Variants in PCDHA3 observed in about 807,000 individuals in gnomAD.
The protein encoded by PCDHA3 is protocadherin alpha 3, also known as protocadherin alpha-3.
PCDHA3 carries 41 observed loss-of-function variants against 62.2 expected under a neutral mutation model. That is an observed-to-expected ratio of 0.66 (90% CI 0.51 to 0.86). The LOEUF (loss-of-function observed/expected upper bound fraction) is 0.86. Among genes scored for constraint, PCDHA3 ranks in the 40% least tolerant of loss-of-function variants. The pLI is 0.00. For missense variants in PCDHA3, 1,304 were observed against 1,241.2 expected (o/e 1.05, Z -0.76); for synonymous variants, 640 against 555.4 (o/e 1.15, Z -2.14).
At chr5:140,887,204 C>T (rs1438790748) in intron 1 of PCDHA3, among the ~76,000 whole-genome samples, 7 of 151,828 alleles carry the variant, frequency 4.6e-5, no homozygotes, top group African/African-American at 1.5e-4. Flanking sequence ...TCACGCCATT[C>T]TCCTGCCTCA....
intron 1 of PCDHA3, among the ~76,000 whole-genome samples, chr5:140,941,263 T>TTC (rs2092992439): frequency 7.5e-6 from 1 of 133,334 alleles, no homozygotes; most frequent in Non-Finnish European, 1.6e-5. Flanking sequence ...TTCTCTTTCT[T>TTC]TCTTTCTTTC....
intron 1 of PCDHA3, among the ~76,000 whole-genome samples, chr5:140,826,723 G>A (rs1409739091): frequency 1.3e-5 from 2 of 152,174 alleles, no homozygotes; most frequent in African/African-American, 4.8e-5. Context: ...AAGAGGAAGA[G>A]CAAGTGGTCT....
At chr5:140,863,676 C>A (rs1403210762) in intron 1 of PCDHA3, 1 of 292,478 alleles carries the variant, frequency 3.4e-6, no homozygotes, top group Non-Finnish European at 6.7e-6. Context: ...TTTGCTTTTG[C>A]TTTTTCTTTT....
chr5:140,808,809 G>A, intron 1 of PCDHA3: 1 of 1,612,748 alleles, frequency 6.2e-7, no homozygotes, highest in Non-Finnish European at 8.5e-7. Flanking sequence ...CGCGATGCCG[G>A]CGTGCCACCT....
intron 1 of PCDHA3, chr5:140,857,033 A>G (rs1303154996): frequency 4.4e-6 from 7 of 1,595,572 alleles, no homozygotes; most frequent in South Asian, 1.1e-5. Flanking sequence ...AAACCCACCT[A>G]TGGTTGGTCA....
chr5:140,958,295 C>A (rs1405336220), intron 1 of PCDHA3, among the ~76,000 whole-genome samples: 1 of 151,884 alleles, frequency 6.6e-6, no homozygotes, highest in African/African-American at 2.4e-5. Context: ...TATTATTGAA[C>A]TTAATTAAAA....
chr5:140,970,933 G>T (rs782607345), intron 1 of PCDHA3, among the ~76,000 whole-genome samples: 6 of 152,176 alleles, frequency 3.9e-5, no homozygotes, highest in African/African-American at 9.7e-5. Context: ...CCTGGTGTTA[G>T]TCAATGCTGA....
At chr5:140,881,574 A>C (rs565640252) in intron 1 of PCDHA3, among the ~76,000 whole-genome samples, 22 of 152,364 alleles carry the variant, frequency 1.4e-4, no homozygotes, top group Middle Eastern at 6.8e-3. Context: ...CTACATCTCA[A>C]GTCACATTGA....
chr5:140,967,072 C>A, intron 1 of PCDHA3: 7 of 1,613,106 alleles, frequency 4.3e-6, no homozygotes, highest in Non-Finnish European at 5.9e-6. Context: ...TCTTCGTCAA[C>A]GAGCGCATTG....
chr5:140,967,555 C>T, intron 1 of PCDHA3: 4 of 1,614,008 alleles, frequency 2.5e-6, no homozygotes, highest in Non-Finnish European at 3.4e-6. Flanking sequence ...CCACTTATCG[C>T]GTCCAGCTAC....
chr5:140,978,444 T>G (rs2096802589), intron 1 of PCDHA3, among the ~76,000 whole-genome samples: 1 of 152,248 alleles, frequency 6.6e-6, no homozygotes, highest in Non-Finnish European at 1.5e-5. Context: ...GTGTTATGAC[T>G]GGGCACATCC....
chr5:140,917,710 G>T (rs2078316558), intron 1 of PCDHA3, among the ~76,000 whole-genome samples: 3 of 152,132 alleles, frequency 2.0e-5, no homozygotes. Flanking sequence ...TTGTAGGTGT[G>T]CAGCTTTATT....
chr5:140,828,605 C>T, intron 1 of PCDHA3: 1 of 1,614,210 alleles, frequency 6.2e-7, no homozygotes, highest in Non-Finnish European at 8.5e-7. Context: ...AACCTATAAA[C>T]TCAGTTCTAG....
At chr5:140,964,677 A>G (rs578237071) in intron 1 of PCDHA3, among the ~76,000 whole-genome samples, 11 of 152,090 alleles carry the variant, frequency 7.2e-5, no homozygotes, top group Non-Finnish European at 1.0e-4. Flanking sequence ...CAGGTCCACA[A>G]TTTGTGCACT....
intron 1 of PCDHA3, among the ~76,000 whole-genome samples, chr5:140,900,673 A>G (rs936784929): frequency 3.3e-5 from 5 of 152,210 alleles, no homozygotes; most frequent in African/African-American, 1.2e-4. Flanking sequence ...GAGTGCAGTT[A>G]TCTCTTCAAT....
At chr5:140,994,717 A>G (rs1350882833) in intron 3 of PCDHA3, among the ~76,000 whole-genome samples, 4 of 152,164 alleles carry the variant, frequency 2.6e-5, no homozygotes, top group African/African-American at 9.6e-5. Context: ...AAAAAAATTT[A>G]AAATACTGGG....
intron 1 of PCDHA3, among the ~76,000 whole-genome samples, chr5:140,896,499 A>G (rs1029698205): frequency 6.6e-6 from 1 of 150,502 alleles, no homozygotes; most frequent in African/African-American, 2.4e-5. Flanking sequence ...AGTAGCTGGG[A>G]CTGTGCAGGC....
chr5:141,010,226 C>T lies in PCDHA3; in HGVS notation c.*289C>T, dbSNP rs1386050566. ...CGCCGCAAAGGAGAGGCTTCCCAGC[C>T]CCGCCAGTGAGAGGTTGGACTCTCT... On this transcript the variant is annotated 3_prime_UTR_variant, in exon 4 of 4. Transcript: ENST00000522353. 6.4e-7 allele frequency: 1 copy of T among 1,551,824 alleles called. No homozygotes were observed. Among genetic ancestry groups the T allele is most frequent in the Admixed American group, 2.0e-5 (1 of 51,014 alleles).
chr5:140,966,938 G>T, intron 1 of PCDHA3: 1 of 1,604,146 alleles, frequency 6.2e-7, no homozygotes, highest in African/African-American at 1.3e-5. Flanking sequence ...CGGCGCGCTC[G>T]TGGGCAACGT....
Sources: allele counts gnomAD v4.1 joint callset (sites outside exome capture counted in the v4.1 genomes callset), GRCh38; gene constraint gnomAD v4.1.1; transcripts MANE v1.5; gene names NCBI Gene and HGNC (gene_info 2026-07-23, HGNC 2026-07-21).